HMCN1: variants seen among roughly 807,000 people sequenced by gnomAD.
HMCN1 encodes hemicentin 1.
A neutral mutation model predicts 625.9 loss-of-function variants in HMCN1; 321 were observed. That is an observed-to-expected ratio of 0.51 (90% confidence interval 0.47 to 0.56). HMCN1 has a LOEUF of 0.56. Among genes scored for constraint, HMCN1 ranks in the 20% least tolerant of loss-of-function variants. The pLI is 0.00. For synonymous variants in HMCN1, 2,425 were observed against 2,417.6 expected (o/e 1.00, Z -0.09); for missense variants, 6,588 against 6,887.3 (o/e 0.96, Z 1.54).
intron 45 of HMCN1, 54 bp downstream of exon 45, chr1:186,055,728 C>T (rs1018814430): frequency 2.0e-5 from 31 of 1,550,090 alleles, no homozygotes; most frequent in Non-Finnish European, 2.7e-5. Flanking sequence ...AATCTAGCAT[C>T]CTGGATGGGA....
intron 98 of HMCN1, among the ~76,000 whole-genome samples, chr1:186,165,536 A>C (rs1651824690): frequency 6.6e-6 from 1 of 152,238 alleles, no homozygotes; most frequent in Non-Finnish European, 1.5e-5. Context: ...CACAACATTA[A>C]GTCACCTAAC....
At chr1:186,164,240 C>CTTTTTTTTTTTTT (rs57317105) in intron 97 of HMCN1, among the ~76,000 whole-genome samples, 1 of 131,558 alleles carries the variant, frequency 7.6e-6, no homozygotes, top group African/African-American at 3.1e-5. Context: ...TAACTTAAAT[C>CTTTTTTTTTTTTT]TTTTTTTTTT....
intron 89 of HMCN1, among the ~76,000 whole-genome samples, chr1:186,139,411 A>T (rs1649812739): frequency 1.3e-5 from 2 of 152,346 alleles, no homozygotes; most frequent in African/African-American, 4.8e-5. Context: ...AATTTAAAAG[A>T]GCAGGAAATA....
intron 55 of HMCN1, among the ~76,000 whole-genome samples, chr1:186,080,868 A>G (rs1251381439): frequency 1.3e-5 from 2 of 152,160 alleles, no homozygotes; most frequent in African/African-American, 2.4e-5. Flanking sequence ...GATGCTTCTT[A>G]TATGTCTGCT....
intron 1 of HMCN1, among the ~76,000 whole-genome samples, chr1:185,819,696 T>A (rs976589350): frequency 1.3e-5 from 2 of 152,222 alleles, no homozygotes; most frequent in Non-Finnish European, 2.9e-5. Context: ...CATCATTTGT[T>A]GTTTGGAAAT....
Position 185,846,067 on chromosome 1 carries a change from C to G in HMCN1, c.310C>G (p.Gln104Glu). Reference sequence around the variant, plus strand: ...AATTACCACAGATCCCAAGAAATTTCAATATGAACTCAGAGAACTGTATGT... The same window carrying G: ...AATTACCACAGATCCCAAGAAATTTGAATATGAACTCAGAGAACTGTATGT... Reference protein sequence around the residue: ...VTITTDPKKFQYELRELYVQG... With the variant: ...VTITTDPKKFEYELRELYVQG... The change falls in exon 2 of 107, where the codon CAA becomes GAA. Residue 104 changes from glutamine to glutamate, a missense_variant. Physicochemically the swap from Gln to Glu is conservative, Grantham distance 29. This residue lies in a region of HMCN1 where 4,628 missense variants were observed against 4,853.1 expected (regional missense o/e 0.95). Coordinates refer to ENST00000271588, the MANE Select transcript of HMCN1 (RefSeq NM_031935.3). The G allele has an allele frequency of 2.5e-6, 4 of 1,612,524 alleles. No individual in the cohort carries two copies. Among genetic ancestry groups the G allele is most frequent in the Non-Finnish European group, 3.4e-6 (4 of 1,178,780 alleles).
At chr1:185,970,222 T>A (rs1650715013) in intron 14 of HMCN1, 113 bp from the exon 15 acceptor site, 1 of 959,082 alleles carries the variant, frequency 1.0e-6, no homozygotes, top group Admixed American at 1.7e-5. Context: ...CAAACACTTG[T>A]GTTTAAAAAC....
At chr1:186,049,595 C>T (rs900856800) in intron 42 of HMCN1, among the ~76,000 whole-genome samples, 10 of 151,886 alleles carry the variant, frequency 6.6e-5, no homozygotes, top group African/African-American at 2.2e-4. Flanking sequence ...ATTTCCAGTA[C>T]ATTCACCTGT....
In HMCN1 at chr1:186,189,938, C is replaced by G. The variant is rs112985425; in HGVS notation, c.*60C>G. The G allele has an allele frequency of 4.4e-6, 7 of 1,586,716 alleles. No individual in the cohort carries two copies. Among genetic ancestry groups the G allele is most frequent in the African/African-American group, 4.0e-5 (3 of 74,480 alleles). On this transcript the variant is annotated 3_prime_UTR_variant, in exon 107 of 107. Coordinates refer to ENST00000271588, the MANE Select transcript of HMCN1 (RefSeq NM_031935.3). ...CGCATTAATCATGGCAATCAAGCCCCCTTCCAGATTACTGTCTCTTGAACA... is the reference window on the plus strand; with the variant it reads ...CGCATTAATCATGGCAATCAAGCCCGCTTCCAGATTACTGTCTCTTGAACA...
intron 1 of HMCN1, among the ~76,000 whole-genome samples, chr1:185,760,790 T>C (rs1655448099): frequency 6.6e-6 from 1 of 152,182 alleles, no homozygotes; most frequent in Non-Finnish European, 1.5e-5. Context: ...GCACCATTCT[T>C]AGTGCTTTAT....
chr1:186,039,410 G>GCACACACA (rs34723003), intron 38 of HMCN1, among the ~76,000 whole-genome samples: 14 of 148,016 alleles, frequency 9.5e-5, no homozygotes, highest in African/African-American at 3.5e-4. Flanking sequence ...GTGTTCATGT[G>GCACACACA]CACACACACA....
Position 185,942,245 on chromosome 1 carries a change from G to A in HMCN1, c.1828+8421G>A, listed in dbSNP as rs75888128. Among the ~76,000 whole-genome samples the A allele has an allele frequency of 5.9e-3, 892 of 150,586 alleles. 3 individuals are homozygous for A. Among genetic ancestry groups the A allele is most frequent in the Non-Finnish European group, 7.8e-3 (527 of 67,652 alleles). On this transcript the variant is annotated intron_variant, in intron 11 of 106. Transcript: ENST00000271588. ...AAAAAGGATATGAATGACTTAATAA[G>A]TAATTCAAGTATGTAAGAAAATTAT... is the stretch of plus-strand genomic sequence containing the variant.
intron 11 of HMCN1, among the ~76,000 whole-genome samples, chr1:185,943,353 G>GCTA (rs1317442323): frequency 3.3e-5 from 5 of 152,226 alleles, no homozygotes. Flanking sequence ...GGGACCTGAT[G>GCTA]CTACCTCCAG....
intron 96 of HMCN1, 108 bp downstream of exon 96, chr1:186,152,979 A>G: frequency 7.2e-7 from 1 of 1,398,200 alleles, no homozygotes; most frequent in Non-Finnish European, 1.0e-6. Context: ...GAAAATGTCC[A>G]AACTACCAAG....
In HMCN1 at chr1:186,055,644, A is replaced by T; in HGVS notation, c.7114A>T (p.Thr2372Ser). ...TGTTGCTGTGAATGTAGCAGGAATGACTGACAAAAAATATGACTTAAGTGT... is the reference window on the plus strand; with the variant it reads ...TGTTGCTGTGAATGTAGCAGGAATGTCTGACAAAAAATATGACTTAAGTGT... ...VCVAVNVAGM[T>S]DKKYDLSVHA... The change falls in exon 45 of 107, where the codon ACT becomes TCT. Residue 2372 changes from threonine (T) to serine (S), a missense_variant. Physicochemically the swap from Thr to Ser is moderately conservative, Grantham distance 58. This residue lies in a region of HMCN1 where 4,628 missense variants were observed against 4,853.1 expected (regional missense o/e 0.95). Coordinates refer to ENST00000271588, the MANE Select transcript of HMCN1 (RefSeq NM_031935.3). 2.5e-6 allele frequency: 4 copies of T among 1,612,710 alleles called. No homozygotes were observed. The highest frequency in any genetic ancestry group is 3.4e-6 in the Non-Finnish European group (4 of 1,179,036).
intron 42 of HMCN1, among the ~76,000 whole-genome samples, chr1:186,049,062 C>T (rs1187388552): frequency 6.6e-6 from 1 of 152,060 alleles, no homozygotes; most frequent in Non-Finnish European, 1.5e-5. Context: ...GGATTCTCCT[C>T]ATCTGCCTGA....
chr1:185,923,727 G>C, intron 8 of HMCN1, 74 bp downstream of exon 8: 2 of 1,223,598 alleles, frequency 1.6e-6, no homozygotes, highest in Non-Finnish European at 2.4e-6. Flanking sequence ...GGTAAATAAC[G>C]GACTATCAAA....
intron 1 of HMCN1, among the ~76,000 whole-genome samples, chr1:185,818,359 T>A (rs1018418373): frequency 4.6e-5 from 7 of 152,198 alleles, no homozygotes; most frequent in Admixed American, 1.3e-4. Context: ...CAATTTATTT[T>A]TTTTTCCTAA....
chr1:185,847,636 G>A (rs1040113100), intron 2 of HMCN1, among the ~76,000 whole-genome samples: 1 of 152,078 alleles, frequency 6.6e-6, no homozygotes, highest in African/African-American at 2.4e-5. Context: ...CTATCAAACT[G>A]TTTCTCTCAA....
Sources: allele counts gnomAD v4.1 joint callset (sites outside exome capture counted in the v4.1 genomes callset), GRCh38; gene constraint gnomAD v4.1.1; regional missense constraint gnomAD v4.1.1; transcripts MANE v1.5; gene names NCBI Gene and HGNC (gene_info 2026-07-23, HGNC 2026-07-21).